The following LAMA5 variants were observed in gnomAD, a reference collection of about 807,000 sequenced individuals.
LAMA5 encodes the protein laminin subunit alpha 5.
LAMA5 carries 260 observed loss-of-function variants against 433.4 expected under a neutral mutation model. That is an observed-to-expected ratio of 0.60 (90% CI 0.54 to 0.66). The LOEUF is 0.66. Among genes scored for constraint, LAMA5 ranks in the 30% least tolerant of loss-of-function variants. The pLI is 0.00. For missense variants in LAMA5, 5,378 were observed against 5,258.5 expected, an observed-to-expected ratio of 1.02 and a Z score of -0.70; for synonymous variants, 2,620 against 2,226.6, an observed-to-expected ratio of 1.18 and a Z score of -4.97.
At position 62,324,967 on chromosome 20, in the gene LAMA5, T is replaced by C. The variant is rs1187726030; in HGVS notation, c.5529+349A>G. 2 of 378,584 alleles carry C rather than the reference T, an allele frequency of 5.3e-6. No homozygotes were observed. The highest frequency in any genetic ancestry group is 4.1e-5 in the African/African-American group (2 of 48,320). 23.5% of individuals were successfully genotyped at this position (378,584 alleles called of 1,614,324 possible). A position where few individuals can be genotyped will look rare whatever the true frequency, so the allele number is the denominator to read the frequency against. The stretch of plus-strand genomic sequence containing the variant: ...GATTAGCAGCTGGACAGACACACAG[T>C]GGGCGAGGGATGGGCAGAATGACAG... On this transcript the variant is annotated intron_variant, in intron 41 of 79. Coordinates refer to ENST00000252999, the MANE Select transcript of LAMA5 (RefSeq NM_005560.6). The surrounding 1 kb of genome is among the most constrained non-coding windows in gnomAD (Gnocchi z 4.4).
At chr20:62,326,841 G>A in intron 39 of LAMA5, 24 bp downstream of exon 39, 1 of 1,603,886 alleles carries the variant, frequency 6.2e-7, no homozygotes, top group Non-Finnish European at 8.5e-7. Context: ...CAACCACCCT[G>A]CCACATCATC....
intron 2 of LAMA5, among the ~76,000 whole-genome samples, chr20:62,357,466 C>T (rs991587622): frequency 1.3e-5 from 2 of 152,134 alleles, no homozygotes; most frequent in South Asian, 2.1e-4. Context: ...TCGAAGAGAC[C>T]CCATCTGGAA....
rs368554870 is a variant in LAMA5, at chr20:62,346,486, G to A, written c.1282+20C>T. 115 of 1,547,860 alleles carry A rather than the reference G, an allele frequency of 7.4e-5. No individual in the cohort carries two copies. The highest frequency in any genetic ancestry group is 9.1e-5 in the Non-Finnish European group (104 of 1,144,738). ...GCAGACCCTGAGACCCAGGACACCC[G>A]CCCAGCTGAGCCCACTCACGGCGGC... is the stretch of plus-strand genomic sequence containing the variant. On this transcript the variant is annotated intron_variant, in intron 9 of 79. Coordinates refer to ENST00000252999, the MANE Select transcript of LAMA5 (RefSeq NM_005560.6).
intron 47 of LAMA5, 43 bp from the exon 48 acceptor site, chr20:62,322,211 T>G (rs1449966318): frequency 6.4e-7 from 1 of 1,565,382 alleles, no homozygotes; most frequent in East Asian, 2.3e-5. Context: ...CCTGGGACCT[T>G]GGAGCGTACC....
rs1284757138 is a variant in LAMA5 at position 62,324,893 on chromosome 20, C to T, written c.5530-339G>A. ...TAGGAGGTATTCAACCACAAACCTCCTCATACAGAAGGAGCAAAGTTACAG... is the reference window on the plus strand; with the variant it reads ...TAGGAGGTATTCAACCACAAACCTCTTCATACAGAAGGAGCAAAGTTACAG... On this transcript the variant is annotated intron_variant, in intron 41 of 79. Transcript: ENST00000252999. This position sits in a 1 kb window ranked among gnomAD's most constrained non-coding sequence, Gnocchi z 4.4. 2.5e-6 allele frequency: 1 copy of T among 394,280 alleles called. No homozygotes were observed. Among genetic ancestry groups the T allele is most frequent in the African/African-American group, 2.0e-5 (1 of 49,636 alleles). 24.4% of individuals were successfully genotyped at this position (394,280 alleles called of 1,614,324 possible). A position where few individuals can be genotyped will look rare whatever the true frequency, so the allele number is the denominator to read the frequency against.
intron 8 of LAMA5, 40 bp downstream of exon 8, chr20:62,346,642 C>G: frequency 6.2e-7 from 1 of 1,610,596 alleles, no homozygotes; most frequent in Non-Finnish European, 8.5e-7. Flanking sequence ...CCTGCCCCAC[C>G]TCAGGGCCAG....
chr20:62,310,548 C>T lies in LAMA5; in HGVS notation c.10471G>A (p.Val3491Met). Residue 3491 changes from valine to methionine, a missense_variant, in exon 76 of 80, where the codon GTG (valine) becomes ATG (methionine). Val to Met is a conservative substitution (Grantham distance 21). Coordinates refer to ENST00000252999, the MANE Select transcript of LAMA5 (RefSeq NM_005560.6). ...LPVTVGFSGC[V>M]KRLRLHGRPL... is the part of the protein sequence containing the mutation. ...CTCCCGTGCAGCCTCAGTCTCTTCA[C>T]ACAGCCGCTGAACCCGACGGTCACC... 6.4e-7 allele frequency: 1 copy of T among 1,550,552 alleles called. No homozygotes were observed. The highest frequency in any genetic ancestry group is 8.7e-7 in the Non-Finnish European group (1 of 1,153,310).
rs1267867400 is a variant in LAMA5, at chr20:62,309,601, G to GCA, written c.10948+114_10948+115insTG. On this transcript the variant is annotated intron_variant, in intron 79 of 79. Transcript: ENST00000252999. ...CCACATCATAGGAGGGTGGTAGGGG[G>GCA]GTGGGAGGAGGGTGGGAGGGGGCAG... 3.9e-4 allele frequency: 144 copies of GCA among 371,246 alleles called. 3 individuals are homozygous for GCA. Among genetic ancestry groups the GCA allele is most frequent in the African/African-American group, 2.4e-3 (44 of 18,466 alleles). The allele number at this position is 371,246 out of a possible 1,614,324, so 23.0% of individuals were successfully genotyped here. A position where few individuals can be genotyped will look rare whatever the true frequency, so the allele number is the denominator to read the frequency against.
chr20:62,331,897 C>T (rs775565007), intron 28 of LAMA5, among the ~76,000 whole-genome samples: 4 of 152,044 alleles, frequency 2.6e-5, no homozygotes, highest in Admixed American at 6.6e-5. Flanking sequence ...CCTAAAAATA[C>T]GAAAATTAGC....
At chr20:62,364,163 C>T (rs553453511) in intron 1 of LAMA5, among the ~76,000 whole-genome samples, 13 of 152,224 alleles carry the variant, frequency 8.5e-5, no homozygotes, top group African/African-American at 2.7e-4. Context: ...CGCCACGACC[C>T]CTACCCGCAG....
At chr20:62,350,557 A>AAGGCCCCACAGAAGGCAAGGGC (rs1984137154) in intron 6 of LAMA5, among the ~76,000 whole-genome samples, 1 of 152,158 alleles carries the variant, frequency 6.6e-6, no homozygotes, top group South Asian at 2.1e-4. Context: ...ACAGAGCAGT[A>AAGGCCCCACAGAAGGCAAGGGC]AGGCCCCACA....
At chr20:62,312,573 A>G (rs572705788) in intron 67 of LAMA5, 41 bp from the exon 68 acceptor site, 7 of 1,599,036 alleles carry the variant, frequency 4.4e-6, no homozygotes, top group African/African-American at 4.0e-5. Flanking sequence ...GCCACCTCCA[A>G]GCCCAGCCTA....
chr20:62,321,976 C>T, intron 48 of LAMA5, 43 bp downstream of exon 48: 1 of 1,579,020 alleles, frequency 6.3e-7, no homozygotes, highest in South Asian at 1.1e-5. Flanking sequence ...GACTTGGATT[C>T]CTACTCCATC....
chr20:62,309,210 C>A lies in LAMA5; in HGVS notation c.*126G>T, dbSNP rs1051445390. ...TTCGTTTAAGAAGCTATAACTTAAA[C>A]CATCTTCAGAAACAAGATCTGTCAC... On this transcript the variant is annotated 3_prime_UTR_variant, in exon 80 of 80. Coordinates refer to ENST00000252999, the MANE Select transcript of LAMA5 (RefSeq NM_005560.6). The A allele has an allele frequency of 5.2e-6, 5 of 966,714 alleles. No individual in the cohort carries two copies. Among genetic ancestry groups the A allele is most frequent in the African/African-American group, 5.0e-5 (3 of 60,094 alleles). The allele number at this position is 966,714 out of a possible 1,614,324, so 59.9% of individuals were successfully genotyped here.
In LAMA5 at chr20:62,352,172, G is replaced by C. The variant is rs983220706; in HGVS notation, c.687+70C>G. On this transcript the variant is annotated intron_variant, in intron 4 of 79. Coordinates refer to ENST00000252999, the MANE Select transcript of LAMA5 (RefSeq NM_005560.6). ...ACCTTTCCCTTCTCCAGCCCCGCTC[G>C]GCACTGCCCCTCCCCTACCCACCTC... The C allele has an allele frequency of 5.7e-6, 9 of 1,573,402 alleles. No homozygotes were observed. In the South Asian group the frequency reaches 9.0e-5, roughly 16 times the overall value.
At chr20:62,352,920 G>A (rs959387480) in intron 3 of LAMA5, 33 of 501,632 alleles carry the variant, frequency 6.6e-5, no homozygotes, top group African/African-American at 3.0e-4. Context: ...GATTCCTGGC[G>A]CCACAGCCCC....
rs772948252 is a variant in LAMA5, at chr20:62,312,678, C to T, written c.9181G>A (p.Asp3061Asn). 7 of 1,607,400 alleles carry T rather than the reference C, an allele frequency of 4.4e-6. No individual in the cohort carries two copies. Among genetic ancestry groups the T allele is most frequent in the African/African-American group, 2.7e-5 (2 of 74,790 alleles). ...GGCACGCCCCCCAGGTAGTAGGCGT[C>T]GGCCAGCTCCAGATCATTGTCCTGC... ...VEQDNDLELA[D>N]AYYLGGVPPD... The change falls in exon 67 of 80, where the codon GAC (aspartate) becomes AAC (asparagine). Residue 3061 changes from aspartate to asparagine, a missense_variant. Coordinates refer to ENST00000252999, the MANE Select transcript of LAMA5 (RefSeq NM_005560.6).
At chr20:62,354,618 C>T (rs1021453880) in intron 2 of LAMA5, among the ~76,000 whole-genome samples, 6 of 152,102 alleles carry the variant, frequency 3.9e-5, no homozygotes, top group African/African-American at 1.4e-4. Flanking sequence ...GAGGCTGCAC[C>T]CAGGAGCAGG....
At chr20:62,347,892 C>CA (rs1171798515) in intron 6 of LAMA5, among the ~76,000 whole-genome samples, 1 of 152,186 alleles carries the variant, frequency 6.6e-6, no homozygotes, top group Non-Finnish European at 1.5e-5. Flanking sequence ...CCTCGGGAAT[C>CA]AATACTGCTT....
Sources: gnomAD v4.1 joint callset for allele counts (sites outside exome capture counted in the v4.1 genomes callset) on GRCh38, gnomAD v4.1.1 for gene constraint, Gnocchi (gnomAD v3.1) non-coding constraint, MANE v1.5 for transcripts, NCBI Gene and HGNC (gene_info 2026-07-23, HGNC 2026-07-21) for gene names.